The following NLK variants were observed in gnomAD, a reference collection of about 807,000 sequenced individuals.
NLK encodes nemo like kinase, also known as serine/threonine-protein kinase NLK.
Under a neutral mutation model 59.0 loss-of-function variants are expected in NLK, and 11 were observed. That is an observed-to-expected ratio of 0.19 (90% CI 0.12 to 0.31). NLK has a LOEUF of 0.31. Among genes scored for constraint, NLK ranks in the 10% least tolerant of loss-of-function variants. The probability of loss-of-function intolerance (pLI) is 1.00; values close to 1 mark genes in which losing one functional copy is unlikely to be tolerated. For missense variants in NLK, 410 were observed against 661.1 expected (o/e 0.62, Z 4.16); for synonymous variants, 235 against 235.9 (o/e 1.00, Z 0.03).
chr17:28,139,343 A>G (rs968068834), intron 3 of NLK, among the ~76,000 whole-genome samples: 2 of 152,244 alleles, frequency 1.3e-5, no homozygotes, highest in African/African-American at 4.8e-5. Context: ...CTGAATTACT[A>G]GAAAATTCAT....
rs1597667216 is a variant in NLK, at chr17:28,077,605, A to G, written c.458+34274A>G. Among the ~76,000 whole-genome samples, 4 of 152,196 alleles carry G rather than the reference A, an allele frequency of 2.6e-5. No individual in the cohort carries two copies. In the East Asian group the frequency reaches 5.8e-4, roughly 22 times the overall value. The stretch of plus-strand genomic sequence containing the variant: ...TAAATTATAAACAATTTCTAAGGCT[A>G]TTAGGCATCTGATACTATCAGTTAA... On this transcript the variant is annotated intron_variant, in intron 1 of 10. Coordinates refer to ENST00000407008, the MANE Select transcript of NLK (RefSeq NM_016231.5).
intron 3 of NLK, among the ~76,000 whole-genome samples, chr17:28,148,235 C>T (rs533627191): frequency 6.6e-6 from 1 of 151,984 alleles, no homozygotes; most frequent in Non-Finnish European, 1.5e-5. Context: ...AGCCCTGTAC[C>T]CTGCCCCCAC....
At chr17:28,164,196 C>T (rs1409560453) in intron 5 of NLK, among the ~76,000 whole-genome samples, 2 of 151,804 alleles carry the variant, frequency 1.3e-5, no homozygotes, top group Non-Finnish European at 2.9e-5. Context: ...GCAGCAAAAC[C>T]CCATCTCAAT....
At chr17:28,045,503 T>C (rs1052979356) in intron 1 of NLK, among the ~76,000 whole-genome samples, 4 of 152,224 alleles carry the variant, frequency 2.6e-5, no homozygotes, top group African/African-American at 9.6e-5. Flanking sequence ...ATCACGTGAT[T>C]CGGGTCTTTG....
chr17:28,051,252 T>G (rs1909242912), intron 1 of NLK, among the ~76,000 whole-genome samples: 1 of 152,142 alleles, frequency 6.6e-6, no homozygotes, highest in South Asian at 2.1e-4. Context: ...TTTTTAAAAT[T>G]ATTAATACAA....
At chr17:28,132,044 T>G (rs1437765263) in intron 2 of NLK, among the ~76,000 whole-genome samples, 1 of 152,170 alleles carries the variant, frequency 6.6e-6, no homozygotes, top group African/African-American at 2.4e-5. Flanking sequence ...CAACTGCCAC[T>G]CAGCCTTCAA....
chr17:28,093,102 G>GT (rs1051036246), intron 1 of NLK, among the ~76,000 whole-genome samples: 3 of 151,908 alleles, frequency 2.0e-5, no homozygotes, highest in African/African-American at 7.3e-5. Context: ...CTAGTGGCTT[G>GT]TTTTTTTGTT....
chr17:28,067,400 T>G (rs1909864909), intron 1 of NLK, among the ~76,000 whole-genome samples: 1 of 152,168 alleles, frequency 6.6e-6, no homozygotes, highest in Admixed American at 6.5e-5. Flanking sequence ...GTCAGCATTC[T>G]AATGCACTTT....
At chr17:28,122,488 T>TA in intron 1 of NLK, 115 bp from the exon 2 acceptor site, 1 of 1,072,760 alleles carries the variant, frequency 9.3e-7, no homozygotes, top group Middle Eastern at 2.1e-4. Context: ...TAAGTGGACT[T>TA]AATGTTGAGT....
At chr17:28,185,643 G>A (rs562693474) in intron 8 of NLK, among the ~76,000 whole-genome samples, 1 of 152,148 alleles carries the variant, frequency 6.6e-6, no homozygotes, top group Admixed American at 6.6e-5. Context: ...CAACCTCCCA[G>A]GCCCAAGCAA....
intron 1 of NLK, among the ~76,000 whole-genome samples, chr17:28,120,610 T>C (rs1357578838): frequency 6.6e-6 from 1 of 152,016 alleles, no homozygotes; most frequent in African/African-American, 2.4e-5. Flanking sequence ...TGAGATCCTG[T>C]CTCTAAAGAA....
chr17:28,162,055 G>A (rs1025106487), intron 4 of NLK, among the ~76,000 whole-genome samples: 4 of 151,918 alleles, frequency 2.6e-5, no homozygotes, highest in African/African-American at 7.3e-5. Context: ...TTGCTCTGTC[G>A]CCTAGGCTAG....
intron 6 of NLK, among the ~76,000 whole-genome samples, chr17:28,170,037 T>G (rs956330271): frequency 6.6e-6 from 1 of 152,170 alleles, no homozygotes; most frequent in African/African-American, 2.4e-5. Flanking sequence ...CACTAAAGGA[T>G]TCTCTGAGGA....
intron 1 of NLK, among the ~76,000 whole-genome samples, chr17:28,089,700 C>G (rs1449228131): frequency 6.6e-6 from 1 of 152,062 alleles, no homozygotes; most frequent in Non-Finnish European, 1.5e-5. Flanking sequence ...GTGTGAGTTC[C>G]AGTACCTCCG....
At chr17:28,133,939 G>A (rs1376869406) in intron 3 of NLK, among the ~76,000 whole-genome samples, 1 of 152,048 alleles carries the variant, frequency 6.6e-6, no homozygotes, top group Non-Finnish European at 1.5e-5. Context: ...GCTGGGTAAG[G>A]ATTTGGGAAA....
At chr17:28,108,572 T>C (rs1374979386) in intron 1 of NLK, among the ~76,000 whole-genome samples, 1 of 152,180 alleles carries the variant, frequency 6.6e-6, no homozygotes, top group Non-Finnish European at 1.5e-5. Flanking sequence ...ATTTTAACAA[T>C]AGATGATATA....
intron 1 of NLK, among the ~76,000 whole-genome samples, chr17:28,091,633 C>G (rs1189087502): frequency 6.6e-6 from 1 of 152,064 alleles, no homozygotes; most frequent in African/African-American, 2.4e-5. Flanking sequence ...AAGTTATTCC[C>G]AGAGATGTAA....
intron 1 of NLK, among the ~76,000 whole-genome samples, chr17:28,109,177 G>GAA (rs77035951): frequency 8.9e-6 from 1 of 112,390 alleles, no homozygotes; most frequent in African/African-American, 3.2e-5. Flanking sequence ...TCTCACAAAA[G>GAA]AAAAAAAAAA....
At chr17:28,170,977 C>G (rs549501218) in intron 6 of NLK, among the ~76,000 whole-genome samples, 12 of 152,146 alleles carry the variant, frequency 7.9e-5, no homozygotes, top group Non-Finnish European at 1.5e-4. Flanking sequence ...TCATTATTTC[C>G]TGTTGTATTT....
Sources: gnomAD v4.1 joint callset for allele counts (sites outside exome capture counted in the v4.1 genomes callset) on GRCh38, gnomAD v4.1.1 for gene constraint, MANE v1.5 for transcripts, NCBI Gene and HGNC (gene_info 2026-07-23, HGNC 2026-07-21) for gene names.